ZZEF1: variants seen among roughly 807,000 people sequenced by gnomAD.
The protein encoded by ZZEF1 is zinc finger ZZ-type and EF-hand domain containing 1.
Under a neutral mutation model 342.8 loss-of-function variants are expected in ZZEF1, and 157 were observed. The observed-to-expected ratio is 0.46, with a 90% CI of 0.40 to 0.52. The LOEUF is 0.52. ZZEF1 is among the 20% of genes least tolerant of loss of function. The pLI is 0.00. For synonymous variants in ZZEF1, 1,505 were observed against 1,429.1 expected (o/e 1.05, Z -1.20); for missense variants, 3,480 against 3,725.6 (o/e 0.93, Z 1.72).
chr17:4,128,483 A>G (rs2058611035), intron 1 of ZZEF1, among the ~76,000 whole-genome samples: 1 of 148,610 alleles, frequency 6.7e-6, no homozygotes, highest in Admixed American at 6.7e-5. Flanking sequence ...AATTTGACAC[A>G]GAGTTTAGTT....
chr17:4,036,815 ACACTCTCT>A (rs760903783), intron 39 of ZZEF1, among the ~76,000 whole-genome samples: 3,897 of 78,484 alleles, frequency 0.05, 78 homozygotes, highest in African/African-American at 0.17. Context: ...ACACACACAC[ACACTCTCT>A]CTCTCTCTCT....
At chr17:4,040,185 C>T (rs2056774058) in intron 39 of ZZEF1, among the ~76,000 whole-genome samples, 1 of 152,146 alleles carries the variant, frequency 6.6e-6, no homozygotes. Context: ...AATTCCACAC[C>T]CAGACTGTCT....
intron 43 of ZZEF1, 43 bp from the exon 44 acceptor site, chr17:4,022,871 A>G (rs1425641009): frequency 3.1e-6 from 5 of 1,607,104 alleles, no homozygotes; most frequent in Non-Finnish European, 4.3e-6. Flanking sequence ...CCTTGGAGTG[A>G]AGAAGGTACA....
At chr17:4,047,752 C>A (rs2056953134) in intron 37 of ZZEF1, among the ~76,000 whole-genome samples, 1 of 151,458 alleles carries the variant, frequency 6.6e-6, no homozygotes, top group Admixed American at 6.6e-5. Context: ...ACCAACCTGG[C>A]TAACATGGTG....
Position 4,014,780 on chromosome 17 carries a change from G to C in ZZEF1, c.8146-265C>G, listed in dbSNP as rs529700281. On this transcript the variant is annotated intron_variant, in intron 49 of 54. Coordinates refer to ENST00000381638, the MANE Select transcript of ZZEF1 (RefSeq NM_015113.4). This position sits in a 1 kb window ranked among gnomAD's most constrained non-coding sequence, Gnocchi z 4.4. ...CTGTGAAGAGTGAAGAGGACAGGAG[G>C]ACCCTGTTAGGAGAAGGCGGGAGTG... Among the ~76,000 whole-genome samples, 1 of 152,294 alleles carries C rather than the reference G, an allele frequency of 6.6e-6. No homozygotes were observed. Among genetic ancestry groups the C allele is most frequent in the African/African-American group, 2.4e-5 (1 of 41,556 alleles).
At chr17:4,102,776 G>C (rs1448139398) in intron 8 of ZZEF1, among the ~76,000 whole-genome samples, 1 of 152,000 alleles carries the variant, frequency 6.6e-6, no homozygotes, top group Non-Finnish European at 1.5e-5. Flanking sequence ...TATTACAATT[G>C]CATTTAAATA....
intron 52 of ZZEF1, among the ~76,000 whole-genome samples, chr17:4,011,894 G>T (rs377543760): frequency 3.9e-4 from 59 of 152,302 alleles, no homozygotes; most frequent in African/African-American, 1.4e-3. Flanking sequence ...AGCTGAGAAG[G>T]TCCCTCCCCT....
At chr17:4,009,441 G>T in intron 53 of ZZEF1, 163 bp downstream of exon 53, 1 of 969,290 alleles carries the variant, frequency 1.0e-6, no homozygotes, top group Non-Finnish European at 1.5e-6. Flanking sequence ...TCCCAGGCCT[G>T]GGAGAGGCGA....
Position 4,142,701 on chromosome 17 carries a change from G to T in ZZEF1, c.195C>A (p.Pro65=). ...RLREAAAALL[P]TPPCESLVSR... ...ACACCAGCGACTCGCAGGGGGGTGT[G>T]GGCAGCAACGCTGCAGCAGCCTCTC... The change falls in exon 1 of 55, where the codon CCC becomes CCA. Residue 65 remains proline, a synonymous_variant. Coordinates refer to ENST00000381638, the MANE Select transcript of ZZEF1 (RefSeq NM_015113.4). 2 of 1,601,712 alleles carry T rather than the reference G, an allele frequency of 1.2e-6. No homozygotes were observed. The highest frequency in any genetic ancestry group is 8.5e-7 in the Non-Finnish European group (1 of 1,177,504).
Position 4,124,071 on chromosome 17 carries a change from AG to A in ZZEF1, c.355-21del. On this transcript the variant is annotated intron_variant, in intron 1 of 54. Coordinates refer to ENST00000381638, the MANE Select transcript of ZZEF1 (RefSeq NM_015113.4). ...AAAGGCCTACAAGATAAGAGATGCA[AG>A]AAAATCAGGGCTGTTTCAAGTAAAC... is the stretch of plus-strand genomic sequence containing the variant. 2.5e-6 allele frequency: 4 copies of A among 1,592,248 alleles called. No homozygotes were observed. Among genetic ancestry groups the A allele is most frequent in the Non-Finnish European group, 3.4e-6 (4 of 1,168,744 alleles).
In ZZEF1 at chr17:4,049,749, T is replaced by C; in HGVS notation, c.5974A>G (p.Lys1992Glu). ...AGCTCAGCACCCTGGACAGCTTTCTTCTCTAGCTGCTCCTCTGACGCTCCG... is the reference window on the plus strand; with the variant it reads ...AGCTCAGCACCCTGGACAGCTTTCTCCTCTAGCTGCTCCTCTGACGCTCCG... The part of the protein sequence containing the change: ...PTGASEEQLE[K>E]KAVQGAELSE... Residue 1992 changes from lysine (K) to glutamate (E), a missense_variant, in exon 37 of 55, where the codon AAG (lysine) becomes GAG (glutamate). Transcript: ENST00000381638. 1 of 1,614,158 alleles carries C rather than the reference T, an allele frequency of 6.2e-7. No homozygotes were observed. Among genetic ancestry groups the C allele is most frequent in the Non-Finnish European group, 8.5e-7 (1 of 1,180,030 alleles).
At chr17:4,056,150 C>G in intron 33 of ZZEF1, 66 bp downstream of exon 33, 2 of 1,424,590 alleles carry the variant, frequency 1.4e-6, no homozygotes, top group Non-Finnish European at 1.9e-6. Context: ...AGAACCCCCC[C>G]AGGCAAACTC....
At position 4,017,254 on chromosome 17, in the gene ZZEF1, G is replaced by A. The variant is rs1292449908; in HGVS notation, c.8001+117C>T. ...CCCTACCTTTGCTGCATTCACACCT[G>A]TCAGGGAGCTGCACAGCCACACAGG... On this transcript the variant is annotated intron_variant, in intron 48 of 54. Transcript: ENST00000381638. This position sits in a 1 kb window ranked among gnomAD's most constrained non-coding sequence, Gnocchi z 5.1. 7.1e-7 allele frequency: 1 copy of A among 1,415,714 alleles called. No homozygotes were observed. Among genetic ancestry groups the A allele is most frequent in the Non-Finnish European group, 9.5e-7 (1 of 1,055,004 alleles). The allele number at this position is 1,415,714 out of a possible 1,614,324, so 87.7% of individuals were successfully genotyped here.
chr17:4,074,436 T>C (rs2057569498), intron 23 of ZZEF1, 85 bp from the exon 24 acceptor site: 3 of 1,379,668 alleles, frequency 2.2e-6, no homozygotes, highest in Non-Finnish European at 3.1e-6. Context: ...ACGAGAAACA[T>C]CTCAGTTTAA....
chr17:4,021,030 C>G, intron 45 of ZZEF1, 99 bp downstream of exon 45: 2 of 1,310,914 alleles, frequency 1.5e-6, no homozygotes, highest in Non-Finnish European at 2.1e-6. Flanking sequence ...GGACAGCAGA[C>G]AGAAGCATTT....
At chr17:4,020,663 G>A (rs959231669) in intron 45 of ZZEF1, among the ~76,000 whole-genome samples, 2 of 152,126 alleles carry the variant, frequency 1.3e-5, no homozygotes, top group East Asian at 1.9e-4. Context: ...GACATTCTAC[G>A]CTACATTCTG....
chr17:4,043,107 C>T (rs745458082), intron 38 of ZZEF1, among the ~76,000 whole-genome samples: 7 of 152,206 alleles, frequency 4.6e-5, no homozygotes, highest in Non-Finnish European at 7.3e-5. Context: ...TACCCCCGCC[C>T]TCCCCATCTC....
intron 1 of ZZEF1, among the ~76,000 whole-genome samples, chr17:4,138,214 A>G (rs1252215835): frequency 6.6e-6 from 1 of 152,220 alleles, no homozygotes; most frequent in Non-Finnish European, 1.5e-5. Context: ...CTGTTGCTTT[A>G]TGGTGCACAC....
rs1166291433 is a variant in ZZEF1, at chr17:4,070,784, T to G, written c.3975A>C (p.Thr1325=). The part of the protein sequence containing the change: ...IQACRKQAPK[T]DIVAGSTIDQ... Reference sequence around the variant, plus strand: ...CAATAGTGGAACCAGCAACTATATCTGTCTTTGGGGCCTGTTTTCTACATG... The same window carrying G: ...CAATAGTGGAACCAGCAACTATATCGGTCTTTGGGGCCTGTTTTCTACATG... Residue 1325 remains threonine (T), a synonymous_variant, in exon 26 of 55, where the codon ACA becomes ACC. Transcript: ENST00000381638. 1.3e-5 allele frequency: 21 copies of G among 1,614,078 alleles called. No individual in the cohort carries two copies. The highest frequency in any genetic ancestry group is 1.8e-5 in the Non-Finnish European group (21 of 1,180,044).
Sources: allele counts gnomAD v4.1 joint callset (sites outside exome capture counted in the v4.1 genomes callset), GRCh38; gene constraint gnomAD v4.1.1; non-coding constraint Gnocchi (gnomAD v3.1); transcripts MANE v1.5; gene names NCBI Gene and HGNC (gene_info 2026-07-23, HGNC 2026-07-21).